KCNK2: variants seen among roughly 807,000 people sequenced by gnomAD.
KCNK2 encodes the protein potassium two pore domain channel subfamily K member 2.
A neutral mutation model predicts 40.5 loss-of-function variants in KCNK2; 21 were observed. The ratio of observed to expected loss-of-function variants is 0.52; its 90% CI spans 0.37 to 0.75. KCNK2 has a LOEUF of 0.75. KCNK2 is among the 30% of genes least tolerant of loss of function. The pLI, the probability that KCNK2 is intolerant of heterozygous loss-of-function variation, is 0.00. For missense variants in KCNK2, 399 were observed against 531.6 expected (o/e 0.75, Z 2.45); for synonymous variants, 191 against 202.2 (o/e 0.94, Z 0.47).
At chr1:215,169,978 T>C (rs1043216433) in intron 4 of KCNK2, among the ~76,000 whole-genome samples, 1 of 152,128 alleles carries the variant, frequency 6.6e-6, no homozygotes, top group South Asian at 2.1e-4. Context: ...GTCTCCCAGC[T>C]ATATTCTCTT....
At chr1:215,033,125 C>T (rs1479074858) in intron 1 of KCNK2, among the ~76,000 whole-genome samples, 1 of 151,624 alleles carries the variant, frequency 6.6e-6, no homozygotes, top group African/African-American at 2.4e-5. Context: ...TTTCCTCAGA[C>T]ATGTCCACTC....
intron 1 of KCNK2, among the ~76,000 whole-genome samples, chr1:215,070,415 TAA>T (rs536258219): frequency 0.71 from 65,927 of 93,156 alleles, 23,960 homozygotes; most frequent in Non-Finnish European, 0.81. Context: ...GACCCCGTCT[TAA>T]AAAAAAAAAA....
chr1:215,050,158 A>AT (rs1342012811), intron 1 of KCNK2, among the ~76,000 whole-genome samples: 4 of 151,928 alleles, frequency 2.6e-5, no homozygotes, highest in Non-Finnish European at 5.9e-5. Flanking sequence ...GTCTCCTTTG[A>AT]TTTTTTTAAT....
intron 5 of KCNK2, among the ~76,000 whole-genome samples, chr1:215,176,802 T>G (rs1179563163): frequency 1.3e-5 from 2 of 152,198 alleles, no homozygotes; most frequent in African/African-American, 4.8e-5. Flanking sequence ...TGAACATATG[T>G]GTGCATGTAT....
At chr1:215,098,933 C>T (rs1253589026) in intron 2 of KCNK2, among the ~76,000 whole-genome samples, 1 of 151,864 alleles carries the variant, frequency 6.6e-6, no homozygotes, top group Non-Finnish European at 1.5e-5. Flanking sequence ...TGTGATTTCA[C>T]TCTGTTTTGC....
chr1:215,019,078 A>G (rs368492065), intron 1 of KCNK2, among the ~76,000 whole-genome samples: 1 of 152,264 alleles, frequency 6.6e-6, no homozygotes. Context: ...ATCTGATAAC[A>G]TGAGCCCTGT....
intron 1 of KCNK2, among the ~76,000 whole-genome samples, chr1:215,020,322 T>C (rs1465501610): frequency 6.6e-6 from 1 of 152,370 alleles, no homozygotes; most frequent in African/African-American, 2.4e-5. Flanking sequence ...GAATGGCTTC[T>C]AAATTGGTGA....
Position 215,235,103 on chromosome 1 carries a change from C to T in KCNK2, c.1239C>T (p.His413=). The T allele has an allele frequency of 6.2e-7, 1 of 1,608,900 alleles. No individual in the cohort carries two copies. The highest frequency in any genetic ancestry group is 8.5e-7 in the Non-Finnish European group (1 of 1,175,614). ...TCTATCTGAATGGTTTGACGCCACA[C>T]TGTGCTGGTGAAGAGATTGCTGTGA... ...ESIYLNGLTP[H]CAGEEIAVIE... Residue 413 remains histidine, a synonymous_variant, in exon 7 of 7, where the codon CAC becomes CAT. Coordinates refer to ENST00000444842, the MANE Select transcript of KCNK2 (RefSeq NM_001017425.3).
In KCNK2 at chr1:215,136,857, C is replaced by T. The variant is rs146142885; in HGVS notation, c.475+12107C>T. Among the ~76,000 whole-genome samples the T allele has an allele frequency of 3.1e-3, 477 of 152,244 alleles. 5 individuals carry two copies. The highest frequency in any genetic ancestry group is 0.011 in the African/African-American group (454 of 41,542). On this transcript the variant is annotated intron_variant, in intron 3 of 6. Coordinates refer to ENST00000444842, the MANE Select transcript of KCNK2 (RefSeq NM_001017425.3). ...GACTTCCATAATCTTTTTGTAAACA[C>T]GTATACTAATATTATACCCTCCTTT...
chr1:215,208,087 C>T (rs1250587404), intron 6 of KCNK2, among the ~76,000 whole-genome samples: 1 of 152,166 alleles, frequency 6.6e-6, no homozygotes, highest in Non-Finnish European at 1.5e-5. Context: ...TTCACTGCAA[C>T]ACTATTCACA....
At chr1:215,092,515 A>G (rs1659732850) in intron 2 of KCNK2, among the ~76,000 whole-genome samples, 1 of 152,206 alleles carries the variant, frequency 6.6e-6, no homozygotes, top group African/African-American at 2.4e-5. Flanking sequence ...GCCATGCATC[A>G]GAGGCAAAGG....
intron 1 of KCNK2, among the ~76,000 whole-genome samples, chr1:215,066,152 A>G (rs1014835113): frequency 3.3e-5 from 5 of 152,104 alleles, no homozygotes; most frequent in Admixed American, 3.3e-4. Context: ...CATTAGGAGA[A>G]ATACCTAATG....
intron 1 of KCNK2, among the ~76,000 whole-genome samples, chr1:215,015,000 G>A (rs1324651337): frequency 3.3e-5 from 5 of 152,124 alleles, no homozygotes; most frequent in East Asian, 1.9e-4. Flanking sequence ...GTAGAAGTCC[G>A]CTCCTTTCAT....
rs569047523 is a variant in KCNK2, at chr1:215,021,193, G to A, written c.34+15238G>A. Among the ~76,000 whole-genome samples the A allele has an allele frequency of 1.6e-4, 24 of 152,200 alleles. No individual in the cohort carries two copies. The South Asian group carries it at 2.3e-3, about 14-fold the overall frequency. On this transcript the variant is annotated intron_variant, in intron 1 of 6. Coordinates refer to the KCNK2 transcript ENST00000391895. ...GCAATTCTCAGCTTACCAACGGAAC[G>A]GTTTAAGAAATATGATTTTATTTTC...
At chr1:215,053,047 C>T (rs1236601523) in intron 1 of KCNK2, among the ~76,000 whole-genome samples, 1 of 151,968 alleles carries the variant, frequency 6.6e-6, no homozygotes, top group East Asian at 1.9e-4. Flanking sequence ...TTCTCACCTG[C>T]AGGTTTTTTT....
intron 1 of KCNK2, among the ~76,000 whole-genome samples, chr1:215,052,597 C>T (rs528454084): frequency 6.6e-6 from 1 of 152,258 alleles, no homozygotes; most frequent in South Asian, 2.1e-4. Flanking sequence ...GGAGGTGCTA[C>T]TAGCATACAG....
intron 1 of KCNK2, among the ~76,000 whole-genome samples, chr1:215,006,227 A>G (rs1656123222): frequency 6.6e-6 from 1 of 152,198 alleles, no homozygotes; most frequent in African/African-American, 2.4e-5. Context: ...ACTTCTGGCA[A>G]TGTAAAAATT....
At chr1:215,178,392 A>G (rs75401452) in intron 5 of KCNK2, among the ~76,000 whole-genome samples, 1,957 of 152,192 alleles carry the variant, frequency 0.013, 37 homozygotes, top group African/African-American at 0.043. Context: ...TCCCAGTAGT[A>G]TGTTGAATAG....
At chr1:215,098,240 T>G (rs1558090195) in intron 2 of KCNK2, among the ~76,000 whole-genome samples, 1 of 151,922 alleles carries the variant, frequency 6.6e-6, no homozygotes, top group Non-Finnish European at 1.5e-5. Context: ...TAATTTACCA[T>G]GGGTGGCTTT....
Sources: gnomAD v4.1 joint callset for allele counts (sites outside exome capture counted in the v4.1 genomes callset) on GRCh38, gnomAD v4.1.1 for gene constraint, MANE v1.5 for transcripts, NCBI Gene and HGNC (gene_info 2026-07-23, HGNC 2026-07-21) for gene names.